Variants in SRD5A2 observed in about 807,000 individuals in gnomAD.
The protein encoded by SRD5A2 is steroid 5 alpha-reductase 2.
A neutral mutation model predicts 27.4 loss-of-function variants in SRD5A2; 30 were observed. The ratio of observed to expected loss-of-function variants is 1.10; its 90% CI spans 0.82 to 1.49. The LOEUF is 1.49. Among genes scored for constraint, SRD5A2 ranks in the 40% most tolerant of loss-of-function variants. The pLI is 0.00. For missense variants in SRD5A2, 348 were observed against 323.4 expected, an observed-to-expected ratio of 1.08 and a Z score of -0.58; for synonymous variants, 141 against 133.6, an observed-to-expected ratio of 1.06 and a Z score of -0.38.
intron 1 of SRD5A2, among the ~76,000 whole-genome samples, chr2:31,558,888 T>G (rs1666556486): frequency 6.6e-6 from 1 of 152,316 alleles, no homozygotes; most frequent in Admixed American, 6.5e-5. Flanking sequence ...TGAAATCACC[T>G]AACAACACAT....
At chr2:31,581,074 C>CT, upstream of SRD5A2, 1 of 675,330 alleles carries the variant, frequency 1.5e-6, no homozygotes, top group East Asian at 2.9e-5. Context: ...CGCAGCAATA[C>CT]CCCTTTCTCA....
At chr2:31,545,822 C>T (rs1666239508) in intron 1 of SRD5A2, among the ~76,000 whole-genome samples, 2 of 152,192 alleles carry the variant, frequency 1.3e-5, no homozygotes, top group African/African-American at 4.8e-5. Flanking sequence ...TCTAACGATT[C>T]CACATACATT....
At chr2:31,581,769 C>T (rs188400914), upstream of SRD5A2, among the ~76,000 whole-genome samples, 5 of 152,298 alleles carry the variant, frequency 3.3e-5, no homozygotes, top group African/African-American at 1.2e-4. Flanking sequence ...TCCTGGGATG[C>T]CCTTTCCCAG....
chr2:31,576,862 T>C (rs1383492973), intron 1 of SRD5A2, among the ~76,000 whole-genome samples: 1 of 16,424 alleles, frequency 6.1e-5, no homozygotes, highest in African/African-American at 2.9e-4. Flanking sequence ...ATGGATGAAA[T>C]TGGAAACCAT....
intron 1 of SRD5A2, among the ~76,000 whole-genome samples, chr2:31,558,829 T>C (rs1251215204): frequency 6.6e-6 from 1 of 152,210 alleles, no homozygotes; most frequent in Non-Finnish European, 1.5e-5. Context: ...TGTAGGAGAC[T>C]GTACCGTCTA....
the SRD5A2 span, among the ~76,000 whole-genome samples, chr2:31,629,508 A>C: frequency 2.0e-5 from 3 of 152,212 alleles, no homozygotes; most frequent in Non-Finnish European, 4.4e-5. Flanking sequence ...AAAAATGATT[A>C]GCATAGCCGC....
the SRD5A2 span, among the ~76,000 whole-genome samples, chr2:31,652,326 T>C: frequency 1.3e-5 from 2 of 152,166 alleles, no homozygotes; most frequent in African/African-American, 2.4e-5. Context: ...TATTGGGAAA[T>C]AGGCAGATTT....
the SRD5A2 span, among the ~76,000 whole-genome samples, chr2:31,652,712 A>G: frequency 6.6e-6 from 1 of 152,256 alleles, no homozygotes; most frequent in African/African-American, 2.4e-5. Flanking sequence ...GATAAAGACC[A>G]TGGAGAATAC....
chr2:31,620,986 T>G, the SRD5A2 span, among the ~76,000 whole-genome samples: 1 of 147,674 alleles, frequency 6.8e-6, no homozygotes, highest in African/African-American at 2.5e-5. Flanking sequence ...AAATATATAA[T>G]ATAAATAATT....
chr2:31,606,308 G>A, the SRD5A2 span, among the ~76,000 whole-genome samples: 1 of 151,968 alleles, frequency 6.6e-6, no homozygotes, highest in African/African-American at 2.4e-5. Flanking sequence ...TGGATTGTTT[G>A]TAACACAAGG....
intron 1 of SRD5A2, among the ~76,000 whole-genome samples, chr2:31,535,095 C>T (rs1182843773): frequency 1.3e-5 from 2 of 151,124 alleles, no homozygotes; most frequent in Non-Finnish European, 2.9e-5. Context: ...GATCTCGGCT[C>T]ACTGCAACCT....
the SRD5A2 span, among the ~76,000 whole-genome samples, chr2:31,661,385 A>C: frequency 6.6e-6 from 1 of 152,136 alleles, no homozygotes; most frequent in African/African-American, 2.4e-5. Context: ...GCCTTTCAGT[A>C]AGCCTGCCAG....
chr2:31,644,504 G>C, the SRD5A2 span, among the ~76,000 whole-genome samples: 11 of 152,308 alleles, frequency 7.2e-5, no homozygotes, highest in African/African-American at 2.4e-4. Flanking sequence ...ACACAACCTG[G>C]ATCCCTCGCA....
chr2:31,564,505 A>C (rs1229951288), intron 1 of SRD5A2, among the ~76,000 whole-genome samples: 3 of 152,040 alleles, frequency 2.0e-5, no homozygotes, highest in Non-Finnish European at 4.4e-5. Context: ...ATAGTGTATG[A>C]AAATCGTCCA....
upstream of SRD5A2, among the ~76,000 whole-genome samples, chr2:31,581,311 G>T (rs888759092): frequency 6.6e-6 from 1 of 152,100 alleles, no homozygotes; most frequent in African/African-American, 2.4e-5. Context: ...CTGTGCCGTC[G>T]GTCACCACGC....
intron 1 of SRD5A2, among the ~76,000 whole-genome samples, chr2:31,540,061 A>G (rs1456687532): frequency 1.3e-5 from 2 of 152,232 alleles, no homozygotes; most frequent in Non-Finnish European, 2.9e-5. Context: ...AAAATGTGGC[A>G]TTACGGGAAG....
At chr2:31,643,026 G>T in the SRD5A2 span, among the ~76,000 whole-genome samples, 1 of 152,096 alleles carries the variant, frequency 6.6e-6, no homozygotes, top group Non-Finnish European at 1.5e-5. Flanking sequence ...GGGCAGGAGG[G>T]ACACTGCATG....
chr2:31,570,567 G>A (rs563218229), intron 1 of SRD5A2, among the ~76,000 whole-genome samples: 1 of 152,166 alleles, frequency 6.6e-6, no homozygotes, highest in African/African-American at 2.4e-5. Flanking sequence ...ATACAAATAG[G>A]AAGAGAAGAG....
chr2:31,598,955 T>A, the SRD5A2 span, among the ~76,000 whole-genome samples: 1 of 151,636 alleles, frequency 6.6e-6, no homozygotes, highest in Admixed American at 6.6e-5. Flanking sequence ...CACAAATACA[T>A]TGAAAATAAA....
Sources: allele counts gnomAD v4.1 joint callset (sites outside exome capture counted in the v4.1 genomes callset), GRCh38; gene constraint gnomAD v4.1.1; transcripts MANE v1.5; gene names NCBI Gene and HGNC (gene_info 2026-07-23, HGNC 2026-07-21).